The following ADGRF3 variants were observed in gnomAD, a reference collection of about 807,000 sequenced individuals.
The protein encoded by ADGRF3 is G protein-coupled receptor 113.
A neutral mutation model predicts 93.2 loss-of-function variants in ADGRF3; 85 were observed. The observed-to-expected ratio is 0.91, with a 90% CI of 0.77 to 1.09. The LOEUF (loss-of-function observed/expected upper bound fraction) is 1.09, where lower values mean the gene tolerates loss of function less well. Ranked by LOEUF, ADGRF3 falls within the 50% of genes least tolerant of loss-of-function variation. The probability of loss-of-function intolerance (pLI) is 0.00; values close to 1 mark genes in which losing one functional copy is unlikely to be tolerated. For synonymous variants in ADGRF3, 534 were observed against 532.5 expected (o/e 1.00, Z -0.04); for missense variants, 1,125 against 1,246.2 (o/e 0.90, Z 1.46).
intron 6 of ADGRF3, among the ~76,000 whole-genome samples, 159 bp from the exon 7 acceptor site, chr2:26,314,062 G>T (rs1044818950): frequency 1.3e-5 from 2 of 152,244 alleles, no homozygotes; most frequent in African/African-American, 2.4e-5. Context: ...GACAGAGGAA[G>T]AGAGCTTGGA....
chr2:26,313,207 A>T, intron 8 of ADGRF3, 85 bp from the exon 9 acceptor site: 1 of 1,534,036 alleles, frequency 6.5e-7, no homozygotes, highest in Non-Finnish European at 8.9e-7. Context: ...GAGATTGTTG[A>T]CCCCCAGAAG....
intron 9 of ADGRF3, among the ~76,000 whole-genome samples, chr2:26,312,548 C>T (rs1007037081): frequency 1.2e-4 from 19 of 152,334 alleles, no homozygotes; most frequent in Non-Finnish European, 2.4e-4. Flanking sequence ...CTTTGTTACA[C>T]TTTTGGCTGC....
intron 1 of ADGRF3, among the ~76,000 whole-genome samples, chr2:26,335,309 T>C (rs993297437): frequency 1.3e-5 from 2 of 152,248 alleles, no homozygotes; most frequent in Non-Finnish European, 1.5e-5. Context: ...CATTTGTGTC[T>C]GGCTTCTTTC....
chr2:26,309,942 T>C (rs1673905569), intron 12 of ADGRF3, 101 bp downstream of exon 12: 3 of 1,612,368 alleles, frequency 1.9e-6, no homozygotes, highest in Admixed American at 1.7e-5. Context: ...CCCAATCTTC[T>C]CTCAGCTTCT....
intron 1 of ADGRF3, among the ~76,000 whole-genome samples, chr2:26,345,494 C>A (rs920594530): frequency 1.4e-4 from 21 of 152,160 alleles, no homozygotes; most frequent in Non-Finnish European, 1.5e-5. Flanking sequence ...ACCTGAGGGG[C>A]TTGTCTCCAA....
intron 1 of ADGRF3, among the ~76,000 whole-genome samples, chr2:26,330,594 G>A (rs952436539): frequency 1.3e-5 from 2 of 151,982 alleles, no homozygotes; most frequent in African/African-American, 4.8e-5. Flanking sequence ...GATCCTCACC[G>A]CCACTGCTGC....
At chr2:26,316,818 C>A in intron 3 of ADGRF3, 94 bp downstream of exon 3, 1 of 1,373,912 alleles carries the variant, frequency 7.3e-7, no homozygotes, top group Non-Finnish European at 9.8e-7. Context: ...CCAGGAAATA[C>A]AGAGGGGCTC....
At chr2:26,327,877 C>T (rs1307338176) in intron 1 of ADGRF3, among the ~76,000 whole-genome samples, 2 of 151,932 alleles carry the variant, frequency 1.3e-5, no homozygotes, top group Non-Finnish European at 2.9e-5. Flanking sequence ...TCTGTTATTG[C>T]AACACAAAAC....
intron 12 of ADGRF3, chr2:26,309,832 A>C: frequency 8.5e-7 from 1 of 1,178,824 alleles, no homozygotes; most frequent in East Asian, 2.6e-5. Context: ...TCCAGGTGAT[A>C]ATCAGGAACC....
chr2:26,343,724 T>C (rs1676526879), intron 1 of ADGRF3, among the ~76,000 whole-genome samples: 1 of 152,196 alleles, frequency 6.6e-6, no homozygotes, highest in Admixed American at 6.5e-5. Flanking sequence ...ATTATAGGCG[T>C]GAGCCACGGC....
rs374146007 is a variant in ADGRF3 at position 26,313,622 on chromosome 2, G to A, written c.1073-49C>T. 32 of 1,572,760 alleles carry A rather than the reference G, an allele frequency of 2.0e-5. No homozygotes were observed. The African/African-American group carries it at 3.2e-4, about 16-fold the overall frequency. On this transcript the variant is annotated intron_variant, in intron 7 of 13. Transcript: ENST00000651242. Reference sequence around the variant, plus strand: ...ACTCAGCAATCACAGCCTCACCTGAGCCTCTCCTTGGGCAGAACCCTATGC... The same window carrying A: ...ACTCAGCAATCACAGCCTCACCTGAACCTCTCCTTGGGCAGAACCCTATGC...
At chr2:26,340,132 T>C (rs1265995781) in intron 1 of ADGRF3, among the ~76,000 whole-genome samples, 1 of 152,180 alleles carries the variant, frequency 6.6e-6, no homozygotes, top group African/African-American at 2.4e-5. Context: ...TTCCTATTTG[T>C]ATATCTTGTT....
At chr2:26,333,126 G>C (rs1675858121) in intron 1 of ADGRF3, among the ~76,000 whole-genome samples, 1 of 152,026 alleles carries the variant, frequency 6.6e-6, no homozygotes, top group Non-Finnish European at 1.5e-5. Context: ...CTTGTAACCA[G>C]TGAAATACTT....
intron 10 of ADGRF3, 103 bp from the exon 11 acceptor site, chr2:26,310,340 T>C: frequency 7.8e-7 from 1 of 1,274,186 alleles, no homozygotes; most frequent in Non-Finnish European, 1.1e-6. Context: ...AGGCTTCTCA[T>C]CTCAATTTTT....
intron 9 of ADGRF3, among the ~76,000 whole-genome samples, chr2:26,312,374 A>AG (rs1674246629): frequency 6.6e-6 from 1 of 152,160 alleles, no homozygotes; most frequent in Non-Finnish European, 1.5e-5. Flanking sequence ...AGGTTCTAAG[A>AG]GGGGACTTCT....
intron 3 of ADGRF3, 50 bp from the exon 4 acceptor site, chr2:26,316,498 G>C (rs775277147): frequency 4.6e-6 from 7 of 1,527,254 alleles, no homozygotes; most frequent in Non-Finnish European, 6.2e-6. Flanking sequence ...GAAGAAGCTA[G>C]GTGGGCAGGG....
At chr2:26,309,965 G>A in intron 12 of ADGRF3, 78 bp downstream of exon 12, 1 of 1,613,960 alleles carries the variant, frequency 6.2e-7, no homozygotes, top group Non-Finnish European at 8.5e-7. Context: ...CTGTGCCCAT[G>A]TCCTCTGAGG....
At chr2:26,340,089 C>T (rs1395903236) in intron 1 of ADGRF3, among the ~76,000 whole-genome samples, 3 of 152,124 alleles carry the variant, frequency 2.0e-5, no homozygotes, top group Non-Finnish European at 4.4e-5. Flanking sequence ...GTGAGCATCC[C>T]GACCTGTGTT....
At position 26,314,456 on chromosome 2, in the gene ADGRF3, G is replaced by C. The variant is rs149482937; in HGVS notation, c.886C>G (p.Leu296Val). The C allele has an allele frequency of 0.013, 20,550 of 1,614,012 alleles. 163 individuals are homozygous for C. Among genetic ancestry groups the C allele is most frequent in the Non-Finnish European group, 0.015 (17,706 of 1,179,892 alleles). ...GGGCTCCAGGCCGCGGTGTAGGCCA[G>C]GTTTGTGCTGGGGATGCAGCAGCTC... is the stretch of plus-strand genomic sequence containing the variant. ...QLSCCIPSTNLAYTAAWSPGE... is the reference protein window; with the variant it reads ...QLSCCIPSTNVAYTAAWSPGE... Residue 296 changes from leucine (L) to valine (V), a missense_variant, in exon 6 of 14, where the codon CTG (leucine) becomes GTG (valine). Leu to Val is a conservative substitution (Grantham distance 32). Coordinates refer to ENST00000651242, the MANE Select transcript of ADGRF3 (RefSeq NM_001321971.2).
Sources: gnomAD v4.1 joint callset for allele counts (sites outside exome capture counted in the v4.1 genomes callset) on GRCh38, gnomAD v4.1.1 for gene constraint, MANE v1.5 for transcripts, NCBI Gene and HGNC (gene_info 2026-07-23, HGNC 2026-07-21) for gene names.